HIVEP3: variants seen among roughly 807,000 people sequenced by gnomAD.
HIVEP3 encodes the protein transcription factor HIVEP3.
HIVEP3 carries 49 observed loss-of-function variants against 152.8 expected under a neutral mutation model. The ratio of observed to expected loss-of-function variants is 0.32; its 90% CI spans 0.26 to 0.41. The LOEUF is 0.41. Ranked by LOEUF, HIVEP3 falls within the 10% of genes least tolerant of loss-of-function variation. The pLI, the probability that HIVEP3 is intolerant of heterozygous loss-of-function variation, is 1.00. For missense variants in HIVEP3, 2,790 were observed against 3,103.3 expected (o/e 0.90, Z 2.40); for synonymous variants, 1,269 against 1,289.0 (o/e 0.98, Z 0.33).
At chr1:41,627,766 C>T (rs1301368269) in intron 3 of HIVEP3, among the ~76,000 whole-genome samples, 4 of 152,204 alleles carry the variant, frequency 2.6e-5, no homozygotes, top group African/African-American at 9.7e-5. Context: ...GAAGGAGGCC[C>T]TGGAGTCCCC....
rs77793060 is a variant in HIVEP3 at position 41,815,732 on chromosome 1, A to C, written c.-801+102681T>G. Among the ~76,000 whole-genome samples, 16 of 151,154 alleles carry C rather than the reference A, an allele frequency of 1.1e-4. No homozygotes were observed. In the East Asian group the frequency reaches 3.2e-3, roughly 30 times the overall value. ...ATCATGAATCGCCAACAAGTGCCGT[A>C]GGAATCGATGCTTTTTTATTGTTTT... On this transcript the variant is annotated intron_variant, in intron 1 of 8. Coordinates refer to ENST00000372583, the MANE Select transcript of HIVEP3 (RefSeq NM_024503.5).
chr1:41,623,892 G>T (rs1645079887), intron 3 of HIVEP3, among the ~76,000 whole-genome samples: 3 of 67,724 alleles, frequency 4.4e-5, no homozygotes, highest in Non-Finnish European at 7.5e-5. Context: ...GAGGCTCTCT[G>T]CATGCCGATC....
chr1:41,781,564 A>C (rs1395310628), intron 1 of HIVEP3, among the ~76,000 whole-genome samples: 5 of 152,168 alleles, frequency 3.3e-5, no homozygotes, highest in Admixed American at 3.3e-4. Context: ...TTCTAGCTGG[A>C]GTCTTTCTCA....
At position 41,897,042 on chromosome 1, in the gene HIVEP3, G is replaced by A. The variant is rs181129882; in HGVS notation, c.-801+21371C>T. Among the ~76,000 whole-genome samples, 380 of 152,280 alleles carry A rather than the reference G, an allele frequency of 2.5e-3. 2 individuals are homozygous for A. Among genetic ancestry groups the A allele is most frequent in the African/African-American group, 8.8e-3 (364 of 41,554 alleles). ...CGCTTGCTAACGAACTATAGGGCAAGCTTTATTTAGGGAAACCACCAAGAT... is the reference window on the plus strand; with the variant it reads ...CGCTTGCTAACGAACTATAGGGCAAACTTTATTTAGGGAAACCACCAAGAT... On this transcript the variant is annotated intron_variant, in intron 1 of 8. Coordinates refer to ENST00000372583, the MANE Select transcript of HIVEP3 (RefSeq NM_024503.5).
At chr1:41,883,704 T>C (rs1487307268) in intron 1 of HIVEP3, among the ~76,000 whole-genome samples, 1 of 152,154 alleles carries the variant, frequency 6.6e-6, no homozygotes, top group Non-Finnish European at 1.5e-5. Flanking sequence ...TGATAGCAAG[T>C]TGCTGTTGGC....
chr1:41,556,315 C>T (rs1643965817), intron 5 of HIVEP3, among the ~76,000 whole-genome samples: 1 of 152,140 alleles, frequency 6.6e-6, no homozygotes, highest in African/African-American at 2.4e-5. Flanking sequence ...TGATAATAGC[C>T]CTCCTAGAGG....
At chr1:41,691,067 G>T (rs1356858109) in intron 2 of HIVEP3, among the ~76,000 whole-genome samples, 1 of 152,194 alleles carries the variant, frequency 6.6e-6, no homozygotes, top group African/African-American at 2.4e-5. Context: ...GATAATACTA[G>T]AGTCTATCTC....
chr1:41,816,995 A>G lies in HIVEP3; in HGVS notation c.-801+101418T>C, dbSNP rs1243860522. Among the ~76,000 whole-genome samples, 7 of 152,236 alleles carry G rather than the reference A, an allele frequency of 4.6e-5. No individual in the cohort carries two copies. The East Asian group carries it at 1.2e-3, about 25-fold the overall frequency. ...ACTTCTAAGCACATCTTTTTGATCAACTCATCACACTGGATGCATCTGGTG... is the reference window on the plus strand; with the variant it reads ...ACTTCTAAGCACATCTTTTTGATCAGCTCATCACACTGGATGCATCTGGTG... On this transcript the variant is annotated intron_variant, in intron 1 of 8. Coordinates refer to ENST00000372583, the MANE Select transcript of HIVEP3 (RefSeq NM_024503.5).
At chr1:41,857,815 G>C (rs538599) in intron 1 of HIVEP3, among the ~76,000 whole-genome samples, 59,210 of 151,982 alleles carry the variant, frequency 0.39, 11,846 homozygotes, top group African/African-American at 0.47. Context: ...CTCTAAGCTA[G>C]AAGACTGGAG....
At chr1:42,020,851 C>G (rs1645549560) in intron 1 of HIVEP3, among the ~76,000 whole-genome samples, 1 of 152,002 alleles carries the variant, frequency 6.6e-6, no homozygotes, top group African/African-American at 2.4e-5. Flanking sequence ...TGAGGAGAAC[C>G]TGAATAAGGT....
At chr1:41,942,893 T>C (rs1012481569) in intron 1 of HIVEP3, among the ~76,000 whole-genome samples, 1 of 151,956 alleles carries the variant, frequency 6.6e-6, no homozygotes, top group Non-Finnish European at 1.5e-5. Context: ...TATTTGTTTA[T>C]ATTTTCTTTT....
At chr1:42,011,673 G>A (rs1439486006) in intron 1 of HIVEP3, among the ~76,000 whole-genome samples, 1 of 152,120 alleles carries the variant, frequency 6.6e-6, no homozygotes, top group African/African-American at 2.4e-5. Flanking sequence ...ATCCTCCACC[G>A]ATTCTGTGGT....
intron 1 of HIVEP3, among the ~76,000 whole-genome samples, chr1:41,930,955 A>G (rs994479022): frequency 6.6e-6 from 1 of 152,022 alleles, no homozygotes; most frequent in African/African-American, 2.4e-5. Flanking sequence ...TATTTTGCCC[A>G]TTTTTTATAG....
intron 2 of HIVEP3, among the ~76,000 whole-genome samples, chr1:41,634,439 T>A (rs1645240840): frequency 1.3e-5 from 2 of 151,912 alleles, no homozygotes; most frequent in East Asian, 3.9e-4. Context: ...CTCTATTAAT[T>A]TAGCCAAGAG....
intron 1 of HIVEP3, among the ~76,000 whole-genome samples, chr1:41,962,399 A>G (rs1460361232): frequency 3.3e-5 from 5 of 152,260 alleles, no homozygotes; most frequent in African/African-American, 1.2e-4. Context: ...GTGTCTTTTA[A>G]AAATGGAATA....
intron 1 of HIVEP3, among the ~76,000 whole-genome samples, chr1:41,910,654 A>G (rs995476621): frequency 3.9e-4 from 60 of 152,056 alleles, no homozygotes; most frequent in African/African-American, 1.4e-3. Context: ...AACCCATTAC[A>G]ACCAAGTCAG....
At chr1:41,834,404 C>T (rs1420317623) in intron 1 of HIVEP3, among the ~76,000 whole-genome samples, 3 of 152,200 alleles carry the variant, frequency 2.0e-5, no homozygotes, top group Non-Finnish European at 4.4e-5. Flanking sequence ...TTATGAAATA[C>T]AGGGGTCACA....
intron 5 of HIVEP3, among the ~76,000 whole-genome samples, chr1:41,529,419 A>C: frequency 9.0e-6 from 1 of 111,636 alleles, no homozygotes; most frequent in African/African-American, 3.6e-5. Flanking sequence ...CCACACCCTC[A>C]CACACACCCT....
chr1:41,529,595 CAT>C (rs1643174910), intron 5 of HIVEP3, among the ~76,000 whole-genome samples: 1 of 137,202 alleles, frequency 7.3e-6, no homozygotes, highest in East Asian at 2.2e-4. Context: ...CCTTCATACA[CAT>C]ACATACACTC....
Sources: allele counts gnomAD v4.1 joint callset (sites outside exome capture counted in the v4.1 genomes callset), GRCh38; gene constraint gnomAD v4.1.1; transcripts MANE v1.5; gene names NCBI Gene and HGNC (gene_info 2026-07-23, HGNC 2026-07-21).